GABRA3: variants seen among roughly 807,000 people sequenced by gnomAD.
The protein encoded by GABRA3 is gamma-aminobutyric acid type A receptor subunit alpha3.
Under a neutral mutation model 30.1 loss-of-function variants are expected in GABRA3, and 10 were observed. The observed-to-expected ratio is 0.33, with a 90% CI of 0.20 to 0.56. The LOEUF (loss-of-function observed/expected upper bound fraction) is 0.56. Ranked by LOEUF, GABRA3 falls within the 20% of genes least tolerant of loss-of-function variation. The probability of loss-of-function intolerance (pLI) is 0.89; values close to 1 mark genes in which losing one functional copy is unlikely to be tolerated. For missense variants in GABRA3, 233 were observed against 392.0 expected, an observed-to-expected ratio of 0.59 and a Z score of 3.42; for synonymous variants, 151 against 146.8, an observed-to-expected ratio of 1.03 and a Z score of -0.21.
chrX:152,174,213 C>T (rs1402326138), intron 9 of GABRA3, among the ~76,000 whole-genome samples: 1 of 110,708 alleles, frequency 9.0e-6, no homozygotes, highest in Non-Finnish European at 1.9e-5. Context: ...GGGTTGGTTC[C>T]AAGTCTTTGC....
intron 1 of GABRA3, among the ~76,000 whole-genome samples, chrX:152,444,986 G>C (rs1160712974): frequency 2.4e-5 from 2 of 83,892 alleles, no homozygotes; most frequent in East Asian, 7.7e-4. Context: ...GCGTGAACCC[G>C]GGAGGCGGAG....
intron 4 of GABRA3, among the ~76,000 whole-genome samples, chrX:152,259,941 AC>A (rs1431044646): frequency 9.1e-6 from 1 of 109,771 alleles, no homozygotes; most frequent in South Asian, 4.0e-4. Flanking sequence ...GCTCTTGGGG[AC>A]CCTGATTTGA....
At chrX:152,420,477 C>A (rs1268949734) in intron 1 of GABRA3, among the ~76,000 whole-genome samples, 1 of 110,237 alleles carries the variant, frequency 9.1e-6, no homozygotes, top group Non-Finnish European at 1.9e-5. Flanking sequence ...ATTTTTTTTA[C>A]AAAGATACAT....
intron 6 of GABRA3, among the ~76,000 whole-genome samples, chrX:152,210,432 G>A (rs1937619734): frequency 1.8e-5 from 2 of 111,755 alleles, no homozygotes; most frequent in South Asian, 7.5e-4. Context: ...AAAAGTGCAA[G>A]TGAGATGATT....
intron 1 of GABRA3, among the ~76,000 whole-genome samples, chrX:152,392,734 G>T (rs1016978257): frequency 2.7e-5 from 3 of 112,243 alleles, no homozygotes; most frequent in Non-Finnish European, 5.6e-5. Context: ...AGTGATATTT[G>T]ACTGTTTGAT....
At chrX:152,449,031 C>G (rs976230380) in intron 1 of GABRA3, among the ~76,000 whole-genome samples, 1 of 111,451 alleles carries the variant, frequency 9.0e-6, no homozygotes, top group African/African-American at 3.3e-5. Context: ...TAAGAATAGT[C>G]TAATATCCAG....
chrX:152,323,890 T>A (rs747214119), intron 3 of GABRA3, among the ~76,000 whole-genome samples: 137 of 112,060 alleles, frequency 1.2e-3, no homozygotes, highest in Non-Finnish European at 2.0e-3. Context: ...TTGTTTCCCT[T>A]AACATAATTC....
chrX:152,340,660 C>T (rs142724251), intron 3 of GABRA3, among the ~76,000 whole-genome samples: 193 of 112,304 alleles, frequency 1.7e-3, no homozygotes, highest in African/African-American at 5.4e-3. Flanking sequence ...TGTTGCTCCA[C>T]TACCTTGTGA....
intron 5 of GABRA3, among the ~76,000 whole-genome samples, chrX:152,239,504 T>G (rs1423046500): frequency 1.1e-4 from 10 of 93,814 alleles, no homozygotes; most frequent in Non-Finnish European, 2.1e-4. Flanking sequence ...TAGATGTCTA[T>G]TAGGTCCACT....
chrX:152,254,567 C>T (rs1460653928), intron 5 of GABRA3, among the ~76,000 whole-genome samples: 1 of 110,760 alleles, frequency 9.0e-6, no homozygotes, highest in Non-Finnish European at 1.9e-5. Flanking sequence ...CTCATTTCTC[C>T]TCTATGTTCA....
intron 8 of GABRA3, among the ~76,000 whole-genome samples, chrX:152,196,073 G>A (rs1043575946): frequency 2.7e-5 from 3 of 109,586 alleles, no homozygotes; most frequent in East Asian, 2.9e-4. Flanking sequence ...TTAAGCTCAC[G>A]TTAAGACATT....
intron 4 of GABRA3, among the ~76,000 whole-genome samples, chrX:152,260,527 G>A (rs1938712019): frequency 8.9e-6 from 1 of 111,756 alleles, no homozygotes; most frequent in Non-Finnish European, 1.9e-5. Flanking sequence ...GCTTCAGGTG[G>A]CTTAGAACAT....
In GABRA3 at chrX:152,173,837, C is replaced by T. The variant is rs188597674; in HGVS notation, c.1144-5274G>A. Among the ~76,000 whole-genome samples, 609 of 109,973 alleles carry T rather than the reference C, an allele frequency of 5.5e-3. 4 individuals are homozygous for T. The highest frequency in any genetic ancestry group is 9.0e-3 in the Non-Finnish European group (474 of 52,766). On this transcript the variant is annotated intron_variant, in intron 9 of 9. Transcript: ENST00000370314. ...TAAGTTTTAGGGTACATGTGCACAA[C>T]GTGCAGGTTTGTTACATATGTATAC...
intron 3 of GABRA3, among the ~76,000 whole-genome samples, chrX:152,294,527 C>G (rs1047264555): frequency 1.3e-4 from 14 of 111,440 alleles, no homozygotes; most frequent in African/African-American, 3.3e-4. Flanking sequence ...AGCCATTCAT[C>G]TAATCTTTTT....
rs1229493803 is a variant in GABRA3 at position 152,205,580 on chromosome X, TATC to T, written c.778+2418_778+2420del. On this transcript the variant is annotated intron_variant, in intron 7 of 9. Transcript: ENST00000370314. ...TACACTTCCTAGTGACAACAGGGAT[TATC>T]ATCATTGTCAACTATGCTCTGGCCT... 9.8e-5 allele frequency among the ~76,000 whole-genome samples: 11 copies of T among 111,988 alleles called. No individual in the cohort carries two copies. In the Admixed American group the frequency reaches 1.0e-3, roughly 11 times the overall value.
At chrX:152,174,789 A>G (rs1262562268) in intron 9 of GABRA3, among the ~76,000 whole-genome samples, 1 of 111,632 alleles carries the variant, frequency 9.0e-6, no homozygotes, top group Admixed American at 9.5e-5. Context: ...GAAGCTCTTT[A>G]GTTTAATTAG....
At chrX:152,199,228 T>C (rs1029573757) in intron 7 of GABRA3, among the ~76,000 whole-genome samples, 7 of 106,344 alleles carry the variant, frequency 6.6e-5, no homozygotes, top group Non-Finnish European at 1.4e-4. Flanking sequence ...TAGCCGGGTG[T>C]GGTGGCGGGC....
chrX:152,219,190 T>A (rs985677324), intron 6 of GABRA3, among the ~76,000 whole-genome samples: 4 of 111,451 alleles, frequency 3.6e-5, no homozygotes, highest in African/African-American at 1.3e-4. Context: ...TATAGTCATT[T>A]CCATAGTGAT....
intron 1 of GABRA3, among the ~76,000 whole-genome samples, chrX:152,382,834 T>C (rs1397073359): frequency 2.7e-5 from 3 of 111,598 alleles, no homozygotes; most frequent in Non-Finnish European, 5.6e-5. Context: ...ACCATAAACA[T>C]ATGGGCTTAT....
Sources: allele counts gnomAD v4.1 joint callset (sites outside exome capture counted in the v4.1 genomes callset), GRCh38; gene constraint gnomAD v4.1.1; transcripts MANE v1.5; gene names NCBI Gene and HGNC (gene_info 2026-07-23, HGNC 2026-07-21).